The following ARID2 variants were observed in gnomAD, a reference collection of about 807,000 sequenced individuals.
ARID2 encodes AT-rich interaction domain 2.
A neutral mutation model predicts 184.6 loss-of-function variants in ARID2; 32 were observed. The ratio of observed to expected loss-of-function variants is 0.17; its 90% confidence interval spans 0.13 to 0.23. The LOEUF (loss-of-function observed/expected upper bound fraction) is 0.23. ARID2 is among the 10% of genes least tolerant of loss of function. The pLI is 1.00. For synonymous variants in ARID2, 836 were observed against 772.6 expected (o/e 1.08, Z -1.36); for missense variants, 1,696 against 2,197.6 (o/e 0.77, Z 4.56).
intron 3 of ARID2, among the ~76,000 whole-genome samples, chr12:45,800,333 A>G (rs972739443): frequency 2.0e-5 from 3 of 152,228 alleles, no homozygotes; most frequent in East Asian, 3.8e-4. Flanking sequence ...TGTAAAATTC[A>G]TATTAAATTC....
rs2138177772 is a variant in ARID2, at chr12:45,852,315, A to T, written c.4192A>T (p.Thr1398Ser). 1 of 1,614,166 alleles carries T rather than the reference A, an allele frequency of 6.2e-7. No homozygotes were observed. The highest frequency in any genetic ancestry group is 1.1e-5 in the South Asian group (1 of 91,082). ...GEISPMEPQG[T>S]LDITQQDTAK... ...GATATCTCCAATGGAACCACAAGGGACTTTAGATATCACTCAGCAAGATAC... is the reference window on the plus strand; with the variant it reads ...GATATCTCCAATGGAACCACAAGGGTCTTTAGATATCACTCAGCAAGATAC... Residue 1398 changes from threonine (T) to serine (S), a missense_variant, in exon 15 of 21, where the codon ACT (threonine) becomes TCT (serine). This residue lies in a region of ARID2 where 428 missense variants were observed against 409.1 expected (regional missense o/e 1.05). Coordinates refer to ENST00000334344, the MANE Select transcript of ARID2 (RefSeq NM_152641.4).
At chr12:45,904,363 A>T in intron 20 of ARID2, 1 of 716,278 alleles carries the variant, frequency 1.4e-6, no homozygotes, top group Non-Finnish European at 2.6e-6. Flanking sequence ...AAGATTGAAA[A>T]AGAATTTTGC....
At position 45,775,862 on chromosome 12, in the gene ARID2, C is replaced by CTT. The variant is rs142924191; in HGVS notation, c.285-35555_285-35554dup. Among the ~76,000 whole-genome samples, 816 of 152,246 alleles carry CTT rather than the reference C, an allele frequency of 5.4e-3. 6 individuals carry two copies. The highest frequency in any genetic ancestry group is 0.019 in the African/African-American group (776 of 41,550). ...TAAGTACTTTATTGCTGTTGCTTAT[C>CTT]TTAGTAATTTCTAGCTGGTAAACTT... On this transcript the variant is annotated intron_variant, in intron 3 of 20. Transcript: ENST00000334344.
Position 45,824,483 on chromosome 12 carries a change from T to TA in ARID2, c.705+3004dup, listed in dbSNP as rs577877686. Among the ~76,000 whole-genome samples the TA allele has an allele frequency of 5.9e-5, 9 of 151,536 alleles. No individual in the cohort carries two copies. The South Asian group carries it at 1.5e-3, about 25-fold the overall frequency. On this transcript the variant is annotated intron_variant, in intron 6 of 20. Coordinates refer to ENST00000334344, the MANE Select transcript of ARID2 (RefSeq NM_152641.4). The stretch of plus-strand genomic sequence containing the variant: ...CAGTAAAGTTGCAGGATACATTTCT[T>TA]AAAAAAAAGACTTACAAATGGCCAA...
chr12:45,874,331 T>TAAA (rs758087161), intron 16 of ARID2: 4 of 154,176 alleles, frequency 2.6e-5, no homozygotes, highest in Admixed American at 6.7e-5. Context: ...CCCTGTCTCT[T>TAAA]AAAAAAAAAA....
chr12:45,837,762 T>C (rs1223915089), intron 10 of ARID2, 55 bp downstream of exon 10: 2 of 1,532,410 alleles, frequency 1.3e-6, no homozygotes, highest in Admixed American at 1.7e-5. Flanking sequence ...GTGTTTAATA[T>C]GGTACTGTAC....
chr12:45,742,831 C>T (rs571421759), intron 3 of ARID2, among the ~76,000 whole-genome samples: 6 of 152,310 alleles, frequency 3.9e-5, no homozygotes, highest in African/African-American at 1.2e-4. Context: ...GGGATTGAAG[C>T]AGCAATCAAA....
chr12:45,831,592 T>C (rs1943123847), intron 6 of ARID2, among the ~76,000 whole-genome samples: 1 of 152,186 alleles, frequency 6.6e-6, no homozygotes, highest in South Asian at 2.1e-4. Context: ...TCTGTTTTGC[T>C]ATCAGATACT....
chr12:45,799,369 G>T (rs1209392620), intron 3 of ARID2, among the ~76,000 whole-genome samples: 4 of 152,126 alleles, frequency 2.6e-5, no homozygotes, highest in African/African-American at 7.2e-5. Flanking sequence ...ACAATACATG[G>T]ATGAACATGG....
intron 20 of ARID2, among the ~76,000 whole-genome samples, chr12:45,901,522 T>A (rs1944458625): frequency 6.6e-6 from 1 of 152,068 alleles, no homozygotes; most frequent in Non-Finnish European, 1.5e-5. Context: ...TTGTTACTAT[T>A]TTATAACATC....
At chr12:45,751,682 C>T (rs1361052604) in intron 3 of ARID2, among the ~76,000 whole-genome samples, 1 of 152,222 alleles carries the variant, frequency 6.6e-6, no homozygotes, top group Non-Finnish European at 1.5e-5. Context: ...GTAGAGCCTA[C>T]TACACACCTA....
At chr12:45,860,457 A>G (rs1943723723) in intron 15 of ARID2, among the ~76,000 whole-genome samples, 1 of 152,128 alleles carries the variant, frequency 6.6e-6, no homozygotes, top group Non-Finnish European at 1.5e-5. Flanking sequence ...GAATTCACAT[A>G]AGTAAATCCA....
At chr12:45,828,159 G>A (rs923806518) in intron 6 of ARID2, among the ~76,000 whole-genome samples, 2 of 151,932 alleles carry the variant, frequency 1.3e-5, no homozygotes, top group African/African-American at 2.4e-5. Flanking sequence ...TCTGAAGTAC[G>A]CCTATTCATT....
chr12:45,782,049 G>A (rs140856589), intron 3 of ARID2, among the ~76,000 whole-genome samples: 94 of 152,086 alleles, frequency 6.2e-4, no homozygotes, highest in African/African-American at 2.1e-3. Context: ...GAGAATTAAG[G>A]GAAAAATTTG....
chr12:45,841,515 ATGC>A (rs1289853001), intron 11 of ARID2: 1 of 152,174 alleles, frequency 6.6e-6, no homozygotes, highest in African/African-American at 2.4e-5. Context: ...GCATAGTTTA[ATGC>A]TGCTTTTTTT....
chr12:45,746,550 C>A (rs1305592604), intron 3 of ARID2, among the ~76,000 whole-genome samples: 2 of 151,960 alleles, frequency 1.3e-5, no homozygotes, highest in East Asian at 1.9e-4. Flanking sequence ...GTTTATGATA[C>A]CATGTTGAAT....
chr12:45,743,655 G>GA lies in ARID2; in HGVS notation c.284+12350dup, dbSNP rs542357803. On this transcript the variant is annotated intron_variant, in intron 3 of 20. Coordinates refer to ENST00000334344, the MANE Select transcript of ARID2 (RefSeq NM_152641.4). ...TTAGTATCAGTTTGTTCTAGTTCCA[G>GA]AAAAAAAAAGCTTGTTGGTCTTTTT... is the stretch of plus-strand genomic sequence containing the variant. Among the ~76,000 whole-genome samples, 454 of 150,540 alleles carry GA rather than the reference G, an allele frequency of 3.0e-3. 2 individuals are homozygous for GA. Among genetic ancestry groups the GA allele is most frequent in the Non-Finnish European group, 4.3e-3 (292 of 67,552 alleles).
chr12:45,825,054 AGGTAGAGTAGATT>A (rs1333851286), intron 6 of ARID2, among the ~76,000 whole-genome samples: 2 of 151,844 alleles, frequency 1.3e-5, no homozygotes, highest in Non-Finnish European at 2.9e-5. Context: ...GATATTTTGG[AGGTAGAGTAGATT>A]GGTGGTTACC....
At chr12:45,739,030 G>T (rs1382979035) in intron 3 of ARID2, among the ~76,000 whole-genome samples, 1 of 151,480 alleles carries the variant, frequency 6.6e-6, no homozygotes, top group African/African-American at 2.4e-5. Context: ...GTGCAGTGGT[G>T]TGATCTTGGC....
Sources: allele counts gnomAD v4.1 joint callset (sites outside exome capture counted in the v4.1 genomes callset), GRCh38; gene constraint gnomAD v4.1.1; regional missense constraint gnomAD v4.1.1; transcripts MANE v1.5; gene names NCBI Gene and HGNC (gene_info 2026-07-23, HGNC 2026-07-21).